Variants in CYP11B1 observed in about 807,000 individuals in gnomAD.
CYP11B1 encodes cytochrome P450 11B1, mitochondrial.
CYP11B1 carries 34 observed loss-of-function variants against 48.3 expected under a neutral mutation model. That is an observed-to-expected ratio of 0.70 (90% CI 0.54 to 0.94). The LOEUF is 0.94. CYP11B1 is among the 40% of genes least tolerant of loss of function. The pLI, the probability that CYP11B1 is intolerant of heterozygous loss-of-function variation, is 0.00. For synonymous variants in CYP11B1, 291 were observed against 262.5 expected, an observed-to-expected ratio of 1.11 and a Z score of -1.05; for missense variants, 688 against 657.4, an observed-to-expected ratio of 1.05 and a Z score of -0.51.
chr8:142,872,938 A>G lies in CYP11B1; in HGVS notation c.*1435T>C, dbSNP rs551125657. 7 of 152,376 alleles carry G rather than the reference A, an allele frequency of 4.6e-5. No homozygotes were observed. Among genetic ancestry groups the G allele is most frequent in the African/African-American group, 9.6e-5 (4 of 41,572 alleles). 9.4% of individuals were successfully genotyped at this position (152,376 alleles called of 1,614,324 possible). A position where few individuals can be genotyped will look rare whatever the true frequency, so the allele number is the denominator to read the frequency against. Reference sequence around the variant, plus strand: ...AGGACACAGCAAGAAGGTTTTATCTATGAAACAAGAGGTGGGTCCTCACCA... The same window carrying G: ...AGGACACAGCAAGAAGGTTTTATCTGTGAAACAAGAGGTGGGTCCTCACCA... On this transcript the variant is annotated 3_prime_UTR_variant, in exon 9 of 9. Coordinates refer to ENST00000292427, the MANE Select transcript of CYP11B1 (RefSeq NM_000497.4).
chr8:142,876,738 G>T lies in CYP11B1; in HGVS notation c.743C>A (p.Thr248Asn). ...MFMPRSLSRW[T>N]SPKVWKEHFE... ...GTGCTCCTTCCACACCTTGGGGCTGGTCCAGCGAGACAGGCTCCTGGGCAT... is the reference window on the plus strand; with the variant it reads ...GTGCTCCTTCCACACCTTGGGGCTGTTCCAGCGAGACAGGCTCCTGGGCAT... Residue 248 changes from threonine (T) to asparagine (N), a missense_variant, in exon 4 of 9, where the codon ACC becomes AAC. Transcript: ENST00000292427. The T allele has an allele frequency of 6.2e-7, 1 of 1,603,004 alleles. No homozygotes were observed. Among genetic ancestry groups the T allele is most frequent in the South Asian group, 1.1e-5 (1 of 90,734 alleles).
intron 5 of CYP11B1, 156 bp downstream of exon 5, chr8:142,876,085 C>A: frequency 8.1e-7 from 1 of 1,229,586 alleles, no homozygotes. Flanking sequence ...CCATGGCAAC[C>A]TGCAAACGTG....
chr8:142,876,162 C>A, intron 5 of CYP11B1, 79 bp downstream of exon 5: 1 of 1,584,992 alleles, frequency 6.3e-7, no homozygotes, highest in Non-Finnish European at 8.7e-7. Flanking sequence ...CACGTGGGCG[C>A]CGTGTGACAT....
intron 2 of CYP11B1, among the ~76,000 whole-genome samples, chr8:142,878,751 G>C (rs7833415): frequency 0.34 from 51,743 of 151,990 alleles, 10,642 homozygotes; most frequent in Non-Finnish European, 0.44. Flanking sequence ...AGAAAGCATC[G>C]GCCAAGGTTG....
Position 142,872,818 on chromosome 8 carries a change from G to A in CYP11B1, c.*1555C>T, listed in dbSNP as rs753300200. 6.6e-6 allele frequency: 1 copy of A among 151,906 alleles called. No homozygotes were observed. The allele number at this position is 151,906 out of a possible 1,614,324, so 9.4% of individuals were successfully genotyped here. On this transcript the variant is annotated 3_prime_UTR_variant, in exon 9 of 9. Transcript: ENST00000292427. ...GATAATAGCAGGGCCGGGCCTTTGA[G>A]GGGGGAAGGGAATGCAGGCAGTGCC...
At chr8:142,876,945 A>T in intron 3 of CYP11B1, 60 bp from the exon 4 acceptor site, 1 of 1,612,738 alleles carries the variant, frequency 6.2e-7, no homozygotes, top group Non-Finnish European at 8.5e-7. Context: ...CTGCCTCCCC[A>T]CACTCCCTTC....
rs61752786 is a variant in CYP11B1 at position 142,875,713 on chromosome 8, G to A, written c.1120C>T (p.Arg374Trp). Reference protein sequence around the residue: ...LLRAALKETLRLYPVGLFLER... With the variant: ...LLRAALKETLWLYPVGLFLER... ...AGGGAGGCCTCAGCCAGCACCCACC[G>A]CAAGGTCTCCTTGAGGGCCGCACGC... is the stretch of plus-strand genomic sequence containing the variant. The change falls in exon 6 of 9, where the codon CGG (arginine) becomes TGG (tryptophan). Residue 374 changes from arginine to tryptophan, a missense_variant and splice_region_variant. By Grantham distance (101) the Arg-to-Trp change is moderately radical. Coordinates refer to ENST00000292427, the MANE Select transcript of CYP11B1 (RefSeq NM_000497.4). The A allele has an allele frequency of 1.4e-5, 22 of 1,602,308 alleles. No individual in the cohort carries two copies. Among genetic ancestry groups the A allele is most frequent in the African/African-American group, 1.0e-4 (7 of 70,128 alleles).
rs746083604 is a variant in CYP11B1 at position 142,879,059 on chromosome 8, C to A, written c.368G>T (p.Arg123Leu). Residue 123 changes from arginine to leucine, a missense_variant, in exon 2 of 9, where the codon CGT becomes CTT. Coordinates refer to ENST00000292427, the MANE Select transcript of CYP11B1 (RefSeq NM_000497.4). ...CAAGAACACGCCACATTTGTGCCCA[C>A]GATGTTGTCTGTAGGCCACCCAGGG... ...LEPWVAYRQH[R>L]GHKCGVFLLN... 1 of 1,614,210 alleles carries A rather than the reference C, an allele frequency of 6.2e-7. No homozygotes were observed. Among genetic ancestry groups the A allele is most frequent in the African/African-American group, 1.3e-5 (1 of 75,048 alleles).
chr8:142,879,232 C>T (rs369110147), intron 1 of CYP11B1, 45 bp from the exon 2 acceptor site: 26 of 1,613,004 alleles, frequency 1.6e-5, no homozygotes, highest in African/African-American at 8.0e-5. Flanking sequence ...ACCATGTCCC[C>T]GCTAGCCCCA....
rs776126642 is a variant in CYP11B1 at position 142,879,818 on chromosome 8, A to G, written c.-5T>C. On this transcript the variant is annotated 5_prime_UTR_variant, in exon 1 of 9. Transcript: ENST00000292427. The stretch of plus-strand genomic sequence containing the variant: ...TGCCTTTGCCCTGAGTGCCATTCCA[A>G]TGCTCCCTCCACCCTGTTCAGCTGC... 77 of 1,612,844 alleles carry G rather than the reference A, an allele frequency of 4.8e-5. No individual in the cohort carries two copies. The Middle Eastern group carries it at 5.1e-4, about 11-fold the overall frequency.
chr8:142,876,339 A>G lies in CYP11B1; in HGVS notation c.856T>C (p.Tyr286His). ...AGGAGCTCCGCCACGATGCTGGTGTACTGTTGAGGGCGGCTGAAGGCCAGT... is the reference window on the plus strand; with the variant it reads ...AGGAGCTCCGCCACGATGCTGGTGTGCTGTTGAGGGCGGCTGAAGGCCAGT... ...QELAFSRPQQ[Y>H]TSIVAELLLN... Residue 286 changes from tyrosine to histidine, a missense_variant, in exon 5 of 9, where the codon TAC becomes CAC. Coordinates refer to ENST00000292427, the MANE Select transcript of CYP11B1 (RefSeq NM_000497.4). 6.2e-7 allele frequency: 1 copy of G among 1,614,178 alleles called. No individual in the cohort carries two copies. The highest frequency in any genetic ancestry group is 8.5e-7 in the Non-Finnish European group (1 of 1,180,022).
At chr8:142,874,920 C>G in intron 8 of CYP11B1, 37 bp downstream of exon 8, 1 of 1,609,636 alleles carries the variant, frequency 6.2e-7, no homozygotes, top group Non-Finnish European at 8.5e-7. Flanking sequence ...GCTGCCCAGA[C>G]CCCGCCCAGG....
chr8:142,875,815 G>A lies in CYP11B1; in HGVS notation c.1018C>T (p.Leu340=). Residue 340 remains leucine, a synonymous_variant, in exon 6 of 9, where the codon CTG becomes TTG. Transcript: ENST00000292427. Reference sequence around the variant, plus strand: ...GCGGCGGCCAGGCTCTCCTGGCGCAGGGCCTGCTGCACGTTGGGGTTCCGA... The same window carrying A: ...GCGGCGGCCAGGCTCTCCTGGCGCAAGGCCTGCTGCACGTTGGGGTTCCGA... ...LARNPNVQQA[L]RQESLAAAAS... is the part of the protein sequence containing the mutation. The A allele has an allele frequency of 6.2e-7, 1 of 1,614,124 alleles. No individual in the cohort carries two copies. Among genetic ancestry groups the A allele is most frequent in the Non-Finnish European group, 8.5e-7 (1 of 1,180,018 alleles).
chr8:142,879,428 C>T (rs1817074316), intron 1 of CYP11B1, 147 bp downstream of exon 1: 2 of 1,613,360 alleles, frequency 1.2e-6, no homozygotes, highest in Non-Finnish European at 1.7e-6. Context: ...CGCCACAGAC[C>T]AGCACGTGCT....
In CYP11B1 at chr8:142,874,940, A is replaced by T. The variant is rs746458392; in HGVS notation, c.1398+17T>A. 2.6e-5 allele frequency: 42 copies of T among 1,611,322 alleles called. No individual in the cohort carries two copies. Among genetic ancestry groups the T allele is most frequent in the Middle Eastern group, 2.0e-4 (1 of 5,056 alleles). Reference sequence around the variant, plus strand: ...CCAGACCCCGCCCAGGCCCCTCCCCAGCCCGGGCCTGCTCACATGGTGCAG... The same window carrying T: ...CCAGACCCCGCCCAGGCCCCTCCCCTGCCCGGGCCTGCTCACATGGTGCAG... On this transcript the variant is annotated intron_variant, in intron 8 of 8. Coordinates refer to ENST00000292427, the MANE Select transcript of CYP11B1 (RefSeq NM_000497.4).
Position 142,876,165 on chromosome 8 carries a change from TG to T in CYP11B1, c.954+75del, listed in dbSNP as rs1816941514. ...CTGGGGATGGGACACGTGGGCGCCG[TG>T]TGACATTGGCAGGCAGTGCCTGGGA... On this transcript the variant is annotated intron_variant, in intron 5 of 8. Transcript: ENST00000292427. The T allele has an allele frequency of 1.9e-6, 3 of 1,597,080 alleles. No individual in the cohort carries two copies. In the South Asian group the frequency reaches 3.3e-5, roughly 18 times the overall value.
chr8:142,874,642 C>G (rs1816873751), intron 8 of CYP11B1, among the ~76,000 whole-genome samples, 156 bp from the exon 9 acceptor site: 1 of 152,108 alleles, frequency 6.6e-6, no homozygotes, highest in Non-Finnish European at 1.5e-5. Context: ...ACCTTACAGC[C>G]CAGGCCCAGA....
chr8:142,877,833 T>G, intron 2 of CYP11B1: 1 of 1,594,334 alleles, frequency 6.3e-7, no homozygotes, highest in Non-Finnish European at 8.5e-7. Flanking sequence ...TCAGCCACAT[T>G]TCTGCAAAAC....
At chr8:142,876,935 C>A in intron 3 of CYP11B1, 50 bp from the exon 4 acceptor site, 1 of 1,613,276 alleles carries the variant, frequency 6.2e-7, no homozygotes, top group South Asian at 1.1e-5. Context: ...GGCCTCCTGG[C>A]TGCCTCCCCA....
Sources: allele counts gnomAD v4.1 joint callset (sites outside exome capture counted in the v4.1 genomes callset), GRCh38; gene constraint gnomAD v4.1.1; transcripts MANE v1.5; gene names NCBI Gene and HGNC (gene_info 2026-07-23, HGNC 2026-07-21).